Variants in ZYG11A observed in about 807,000 individuals in gnomAD.
ZYG11A encodes zyg-11 family member A, cell cycle regulator, also known as protein zyg-11 homolog A.
A neutral mutation model predicts 77.2 loss-of-function variants in ZYG11A; 62 were observed. The observed-to-expected ratio is 0.80, with a 90% CI of 0.65 to 0.99. The LOEUF (loss-of-function observed/expected upper bound fraction) is 0.99. ZYG11A is among the 50% of genes least tolerant of loss of function. ZYG11A has a pLI of 0.00. For missense variants in ZYG11A, 828 were observed against 896.8 expected, an observed-to-expected ratio of 0.92 and a Z score of 0.98; for synonymous variants, 315 against 324.6, an observed-to-expected ratio of 0.97 and a Z score of 0.32.
At chr1:52,891,516 A>G (rs972614877) in intron 13 of ZYG11A, among the ~76,000 whole-genome samples, 3 of 151,730 alleles carry the variant, frequency 2.0e-5, no homozygotes, top group South Asian at 2.1e-4. Flanking sequence ...TCGTTTTTTT[A>G]TATTAATTTC....
intron 13 of ZYG11A, among the ~76,000 whole-genome samples, chr1:52,888,449 C>G (rs1180863448): frequency 6.6e-6 from 1 of 152,156 alleles, no homozygotes; most frequent in Non-Finnish European, 1.5e-5. Flanking sequence ...CCTCTGCCTC[C>G]TGGGTTCAAG....
At chr1:52,864,655 C>CT (rs951755258) in intron 5 of ZYG11A, among the ~76,000 whole-genome samples, 5 of 151,442 alleles carry the variant, frequency 3.3e-5, no homozygotes, top group South Asian at 2.1e-4. Flanking sequence ...CTAAAATTTT[C>CT]TTTTTTTTGA....
chr1:52,890,070 T>C (rs1462424994), intron 13 of ZYG11A, among the ~76,000 whole-genome samples: 3 of 147,400 alleles, frequency 2.0e-5, no homozygotes, highest in African/African-American at 2.5e-5. Flanking sequence ...TTTTTTTTTT[T>C]CTTTTTTTTA....
chr1:52,865,321 T>A (rs1238762153), intron 5 of ZYG11A, among the ~76,000 whole-genome samples: 3 of 152,126 alleles, frequency 2.0e-5, no homozygotes, highest in Non-Finnish European at 1.5e-5. Flanking sequence ...TATATGAGAA[T>A]CAACTTCATT....
intron 1 of ZYG11A, among the ~76,000 whole-genome samples, chr1:52,845,953 G>T (rs1448295834): frequency 1.3e-5 from 2 of 151,914 alleles, no homozygotes; most frequent in Non-Finnish European, 2.9e-5. Context: ...CACTGTGCCC[G>T]GCCTTTCTGT....
chr1:52,881,849 G>T, intron 11 of ZYG11A, 184 bp downstream of exon 11: 2 of 483,436 alleles, frequency 4.1e-6, no homozygotes, highest in South Asian at 4.0e-5. Context: ...GACTTACTTC[G>T]GTCCTCTTTC....
intron 11 of ZYG11A, 34 bp downstream of exon 11, chr1:52,881,699 G>A: frequency 6.9e-7 from 1 of 1,446,496 alleles, no homozygotes; most frequent in South Asian, 1.4e-5. Context: ...ATAAAATCCA[G>A]AGTAATCTCT....
rs1302853527 is a variant in ZYG11A at position 52,893,799 on chromosome 1, T to A, written c.*842T>A. 2 of 148,290 alleles carry A rather than the reference T, an allele frequency of 1.3e-5. No homozygotes were observed. The highest frequency in any genetic ancestry group is 3.0e-5 in the Non-Finnish European group (2 of 67,582). The allele number at this position is 148,290 out of a possible 1,614,324, so 9.2% of individuals were successfully genotyped here. A position where few individuals can be genotyped will look rare whatever the true frequency, so the allele number is the denominator to read the frequency against. On this transcript the variant is annotated 3_prime_UTR_variant, in exon 14 of 14. Transcript: ENST00000371528. ...GAGGGGTGGAGAAAAGAGAAATATA[T>A]TTTTTTACCTTTTTTTTTTTTTTTT...
At chr1:52,844,085 T>C (rs2149980289) in intron 1 of ZYG11A, among the ~76,000 whole-genome samples, 1 of 152,328 alleles carries the variant, frequency 6.6e-6, no homozygotes, top group South Asian at 2.1e-4. Context: ...CTCTGAAATT[T>C]AGTTGACTTG....
chr1:52,890,094 C>T lies in ZYG11A; in HGVS notation c.2105-2688C>T, dbSNP rs1381744661. Among the ~76,000 whole-genome samples, 3 of 147,064 alleles carry T rather than the reference C, an allele frequency of 2.0e-5. No homozygotes were observed. The East Asian group carries it at 5.9e-4, about 29-fold the overall frequency. On this transcript the variant is annotated intron_variant, in intron 13 of 13. Transcript: ENST00000371528. ...TTCTTTTTTTTAACCCCCACCACTC[C>T]TTTTCTGGATTCAGGTTTTGATAGT...
At chr1:52,886,573 G>A (rs1209630233) in intron 12 of ZYG11A, among the ~76,000 whole-genome samples, 1 of 151,904 alleles carries the variant, frequency 6.6e-6, no homozygotes, top group Non-Finnish European at 1.5e-5. Context: ...TGTTGCCCAG[G>A]CTGGAGCTGG....
chr1:52,879,286 G>C (rs922469023), intron 10 of ZYG11A, among the ~76,000 whole-genome samples: 15 of 152,220 alleles, frequency 9.9e-5, no homozygotes, highest in Non-Finnish European at 1.8e-4. Context: ...TGGGAAGGCA[G>C]TGTTAGACGT....
At position 52,882,751 on chromosome 1, in the gene ZYG11A, A is replaced by G. The variant is rs1289956424; in HGVS notation, c.1944+1086A>G. On this transcript the variant is annotated intron_variant, in intron 11 of 13. Coordinates refer to ENST00000371528, the MANE Select transcript of ZYG11A (RefSeq NM_001004339.3). ...GATCACTGTTGAGAACTCCCATGCA[A>G]TTTTCTTTTAAGCTTTAAGGTTTTT... is the stretch of plus-strand genomic sequence containing the variant. Among the ~76,000 whole-genome samples the G allele has an allele frequency of 2.6e-5, 4 of 151,916 alleles. No homozygotes were observed. The East Asian group carries it at 5.8e-4, about 22-fold the overall frequency.
At chr1:52,880,762 C>G (rs1280952868) in intron 10 of ZYG11A, among the ~76,000 whole-genome samples, 2 of 152,094 alleles carry the variant, frequency 1.3e-5, no homozygotes, top group Admixed American at 6.6e-5. Flanking sequence ...CCTGCAGCCA[C>G]CAGAAATGAA....
chr1:52,891,090 G>A (rs1646535439), intron 13 of ZYG11A, among the ~76,000 whole-genome samples: 1 of 151,568 alleles, frequency 6.6e-6, no homozygotes, highest in African/African-American at 2.4e-5. Flanking sequence ...AGTAGAGAAG[G>A]GATTTCACCA....
At chr1:52,872,156 C>T (rs1415828938) in intron 8 of ZYG11A, among the ~76,000 whole-genome samples, 1 of 152,138 alleles carries the variant, frequency 6.6e-6, no homozygotes, top group Non-Finnish European at 1.5e-5. Context: ...ACAGAGTCTG[C>T]AATGGCTCAA....
intron 11 of ZYG11A, among the ~76,000 whole-genome samples, chr1:52,883,220 G>C (rs1316210118): frequency 1.3e-5 from 2 of 151,902 alleles, no homozygotes; most frequent in African/African-American, 4.8e-5. Context: ...GGGTTCAAGT[G>C]ATACTCCTGC....
At chr1:52,868,040 C>G (rs1163546750) in intron 8 of ZYG11A, among the ~76,000 whole-genome samples, 1 of 103,054 alleles carries the variant, frequency 9.7e-6, no homozygotes, top group Non-Finnish European at 1.9e-5. Context: ...GATCTCGGCT[C>G]ACTGCAACCT....
intron 4 of ZYG11A, among the ~76,000 whole-genome samples, chr1:52,862,833 C>G (rs1034165050): frequency 4.6e-5 from 7 of 152,086 alleles, no homozygotes; most frequent in African/African-American, 1.7e-4. Context: ...GGCTGGAGTG[C>G]AGTGGCATGA....
Sources: allele counts gnomAD v4.1 joint callset (sites outside exome capture counted in the v4.1 genomes callset), GRCh38; gene constraint gnomAD v4.1.1; transcripts MANE v1.5; gene names NCBI Gene and HGNC (gene_info 2026-07-23, HGNC 2026-07-21).